PHF19: variants seen among roughly 807,000 people sequenced by gnomAD.
PHF19 encodes the protein polycomb like 3.
A neutral mutation model predicts 79.8 loss-of-function variants in PHF19; 21 were observed. The ratio of observed to expected loss-of-function variants is 0.26; its 90% CI spans 0.19 to 0.38. The LOEUF (loss-of-function observed/expected upper bound fraction) is 0.38, where lower values mean the gene tolerates loss of function less well. PHF19 is among the 10% of genes least tolerant of loss of function. PHF19 has a pLI of 1.00. For missense variants in PHF19, 445 were observed against 744.2 expected (o/e 0.60, Z 4.68); for synonymous variants, 273 against 296.3 (o/e 0.92, Z 0.81).
chr9:120,886,317 C>T (rs907245660), intron 1 of PHF19, among the ~76,000 whole-genome samples: 2 of 152,240 alleles, frequency 1.3e-5, no homozygotes, highest in Non-Finnish European at 2.9e-5. Context: ...GGAATCTGAA[C>T]AGTCAGCCTG....
In PHF19 at chr9:120,865,699, AC is replaced by A; in HGVS notation, c.900+10del. ...TGCCTCCTGCCACTGACATCCCACA[AC>A]CCCACATACCTTGCCAAGCTGCAGG... On this transcript the variant is annotated intron_variant, in intron 9 of 14. Coordinates refer to ENST00000373896, the MANE Select transcript of PHF19 (RefSeq NM_015651.3). The A allele has an allele frequency of 5.6e-6, 9 of 1,613,998 alleles. No homozygotes were observed. Among genetic ancestry groups the A allele is most frequent in the Non-Finnish European group, 7.6e-6 (9 of 1,179,920 alleles).
chr9:120,864,158 T>C, intron 9 of PHF19, 42 bp from the exon 10 acceptor site: 2 of 1,569,180 alleles, frequency 1.3e-6, no homozygotes, highest in Non-Finnish European at 1.8e-6. Flanking sequence ...CCCAGGCATA[T>C]GGCGCATGGG....
At chr9:120,879,523 C>T (rs1470289608), upstream of PHF19, among the ~76,000 whole-genome samples, 1 of 152,172 alleles carries the variant, frequency 6.6e-6, no homozygotes, top group African/African-American at 2.4e-5. Flanking sequence ...AATAATACTA[C>T]CCATCTCGTG....
rs201988702 is a variant in PHF19, at chr9:120,866,006, G to A, written c.779+22C>T. 1.2e-6 allele frequency: 2 copies of A among 1,601,038 alleles called. No homozygotes were observed. Among genetic ancestry groups the A allele is most frequent in the East Asian group, 2.2e-5 (1 of 44,842 alleles). ...GAAGCTGGGAGGAGCAGCGGTGGTT[G>A]GACTAAGCCCCACCCTCTCACCATC... On this transcript the variant is annotated intron_variant, in intron 8 of 14. Transcript: ENST00000373896. The surrounding 1 kb of genome is among the most constrained non-coding windows in gnomAD (Gnocchi z 5.2).
At chr9:120,859,231 CTTTTTT>C (rs59695692) in intron 14 of PHF19, among the ~76,000 whole-genome samples, 30 of 104,996 alleles carry the variant, frequency 2.9e-4, no homozygotes, top group Non-Finnish European at 4.2e-4. Context: ...TACCATTGTC[CTTTTTT>C]TTTTTTTTTT....
At chr9:120,878,038 G>A (rs904490116), upstream of PHF19, among the ~76,000 whole-genome samples, 1 of 152,220 alleles carries the variant, frequency 6.6e-6, no homozygotes, top group Non-Finnish European at 1.5e-5. Context: ...TAGTGGGTGT[G>A]CCAGGTGGAG....
At chr9:120,886,363 TGTG>T (rs1314858889) in intron 1 of PHF19, among the ~76,000 whole-genome samples, 2 of 152,170 alleles carry the variant, frequency 1.3e-5, no homozygotes, top group African/African-American at 4.8e-5. Flanking sequence ...ATGTGGCTGG[TGTG>T]GTGGCAAGTA....
At position 120,860,928 on chromosome 9, in the gene PHF19, G is replaced by T; in HGVS notation, c.1304+161C>A. The T allele has an allele frequency of 1.6e-6, 1 of 610,524 alleles. No individual in the cohort carries two copies. The highest frequency in any genetic ancestry group is 3.0e-6 in the Non-Finnish European group (1 of 332,764). The allele number at this position is 610,524 out of a possible 1,614,324, so 37.8% of individuals were successfully genotyped here. On this transcript the variant is annotated intron_variant, in intron 13 of 14. Coordinates refer to ENST00000373896, the MANE Select transcript of PHF19 (RefSeq NM_015651.3). This position sits in a 1 kb window ranked among gnomAD's most constrained non-coding sequence, Gnocchi z 4.1. ...GGGCTGGAGAAGAGGGGAGGGCTGT[G>T]GTGCTCTGGGAACAGGGATGTTATG...
intron 1 of PHF19, among the ~76,000 whole-genome samples, chr9:120,892,709 T>G (rs1195750289): frequency 1.3e-5 from 2 of 152,190 alleles, no homozygotes; most frequent in Non-Finnish European, 2.9e-5. Flanking sequence ...GCTTGTCACA[T>G]GACCACTCCT....
chr9:120,894,265 C>T (rs570022574), intron 1 of PHF19, among the ~76,000 whole-genome samples: 9 of 152,310 alleles, frequency 5.9e-5, no homozygotes, highest in Admixed American at 3.9e-4. Context: ...GCGCTGTTCT[C>T]TGTCAGTCAT....
At chr9:120,903,044 C>T in the PHF19 span, 1 of 152,228 alleles carries the variant, frequency 6.6e-6, no homozygotes, top group African/African-American at 2.4e-5. Context: ...GCTCAACACT[C>T]GGTGAGTAGG....
At chr9:120,898,866 G>A (rs188945278), upstream of PHF19, among the ~76,000 whole-genome samples, 80 of 152,272 alleles carry the variant, frequency 5.3e-4, no homozygotes, top group Admixed American at 1.4e-3. Context: ...CTGCAGTGCC[G>A]TGTCTGGCAC....
intron 1 of PHF19, among the ~76,000 whole-genome samples, chr9:120,882,437 T>C (rs1197610691): frequency 2.7e-5 from 1 of 37,298 alleles, no homozygotes; most frequent in African/African-American, 6.0e-5. Context: ...TATCGAAATA[T>C]ACTTCACGTA....
upstream of PHF19, among the ~76,000 whole-genome samples, chr9:120,879,882 A>G (rs1469973131): frequency 1.3e-5 from 2 of 152,216 alleles, no homozygotes; most frequent in Admixed American, 6.5e-5. Context: ...AATGGCTAAA[A>G]TAGCCTAAAA....
chr9:120,889,425 CA>C (rs35061787), intron 1 of PHF19, among the ~76,000 whole-genome samples: 50,391 of 100,070 alleles, frequency 0.5, 11,509 homozygotes, highest in Middle Eastern at 0.7. Context: ...GTCTCCATCT[CA>C]AAAAAAAAAA....
Position 120,877,171 on chromosome 9 carries a change from G to A in PHF19, c.-96C>T, listed in dbSNP as rs1366090874. On this transcript the variant is annotated 5_prime_UTR_variant, in exon 1 of 15. Coordinates refer to ENST00000373896, the MANE Select transcript of PHF19 (RefSeq NM_015651.3). ...TGGCGGAGGCGGCTGCGCTCGGCCC[G>A]CGGCTGCCCGGCCGAGTGTCCGCCC... 2 of 984,130 alleles carry A rather than the reference G, an allele frequency of 2.0e-6. No homozygotes were observed. Among genetic ancestry groups the A allele is most frequent in the African/African-American group, 1.8e-5 (1 of 56,992 alleles). The allele number at this position is 984,130 out of a possible 1,614,324, so 61.0% of individuals were successfully genotyped here.
At chr9:120,859,321 T>C (rs574443260) in intron 14 of PHF19, among the ~76,000 whole-genome samples, 77 of 147,516 alleles carry the variant, frequency 5.2e-4, no homozygotes, top group African/African-American at 1.7e-3. Flanking sequence ...GGTTTCACCA[T>C]GTTGGCCAGG....
chr9:120,879,535 G>A (rs1039779644), upstream of PHF19, among the ~76,000 whole-genome samples: 2 of 152,152 alleles, frequency 1.3e-5, no homozygotes, highest in Non-Finnish European at 2.9e-5. Context: ...CATCTCGTGG[G>A]GCTGTTGCAT....
intron 14 of PHF19, among the ~76,000 whole-genome samples, 171 bp downstream of exon 14, chr9:120,859,919 T>G (rs1244148132): frequency 6.6e-6 from 1 of 152,102 alleles, no homozygotes; most frequent in Non-Finnish European, 1.5e-5. Context: ...GCCCCGTGAC[T>G]CAGAACCAGA....
Sources: allele counts gnomAD v4.1 joint callset (sites outside exome capture counted in the v4.1 genomes callset), GRCh38; gene constraint gnomAD v4.1.1; non-coding constraint Gnocchi (gnomAD v3.1); transcripts MANE v1.5; gene names NCBI Gene and HGNC (gene_info 2026-07-23, HGNC 2026-07-21).